The following CNMD variants were observed in gnomAD, a reference collection of about 807,000 sequenced individuals.
The protein encoded by CNMD is chondromodulin, also known as leukocyte cell-derived chemotaxin 1.
CNMD carries 30 observed loss-of-function variants against 37.5 expected under a neutral mutation model. The ratio of observed to expected loss-of-function variants is 0.80; its 90% CI spans 0.60 to 1.09. CNMD has a LOEUF of 1.09. CNMD is among the 50% of genes least tolerant of loss of function. The pLI is 0.00. For missense variants in CNMD, 398 were observed against 423.9 expected (o/e 0.94, Z 0.54); for synonymous variants, 167 against 148.2 (o/e 1.13, Z -0.92).
chr13:52,738,011 C>T (rs60555177), intron 2 of CNMD, among the ~76,000 whole-genome samples: 21,682 of 152,176 alleles, frequency 0.14, 1,608 homozygotes, highest in East Asian at 0.3. Flanking sequence ...CTGCAGAAGA[C>T]GTGATGTGTA....
At chr13:52,728,403 G>A (rs1291231778) in intron 3 of CNMD, among the ~76,000 whole-genome samples, 1 of 151,778 alleles carries the variant, frequency 6.6e-6, no homozygotes, top group African/African-American at 2.4e-5. Flanking sequence ...TCACTTGGAG[G>A]ACTTGTTAAA....
chr13:52,730,113 G>A (rs1012123189), intron 3 of CNMD, among the ~76,000 whole-genome samples: 1 of 151,890 alleles, frequency 6.6e-6, no homozygotes, highest in Non-Finnish European at 1.5e-5. Context: ...GAGAATGATG[G>A]TTTCCAGCTT....
At chr13:52,733,127 G>C (rs762325894) in intron 3 of CNMD, 92 bp downstream of exon 3, 30 of 1,230,752 alleles carry the variant, frequency 2.4e-5, no homozygotes, top group Non-Finnish European at 3.4e-5. Flanking sequence ...GTTACCATTT[G>C]GATGTGTGTG....
intron 2 of CNMD, among the ~76,000 whole-genome samples, chr13:52,738,327 C>T (rs962658216): frequency 2.6e-5 from 4 of 152,176 alleles, no homozygotes; most frequent in African/African-American, 9.7e-5. Flanking sequence ...CTTTATACTC[C>T]TCGAGAGCCG....
At chr13:52,724,744 A>C (rs1301810098) in intron 3 of CNMD, among the ~76,000 whole-genome samples, 1 of 151,100 alleles carries the variant, frequency 6.6e-6, no homozygotes, top group Non-Finnish European at 1.5e-5. Context: ...TAAAAATACA[A>C]AAATTAGCCG....
intron 6 of CNMD, among the ~76,000 whole-genome samples, chr13:52,705,164 C>G (rs1964154195): frequency 6.6e-6 from 1 of 152,096 alleles, no homozygotes; most frequent in South Asian, 2.1e-4. Flanking sequence ...GTCAAATTTG[C>G]TTTTCCCCTT....
chr13:52,724,217 G>A, intron 3 of CNMD, 107 bp from the exon 4 acceptor site: 1 of 780,302 alleles, frequency 1.3e-6, no homozygotes, highest in Non-Finnish European at 2.2e-6. Flanking sequence ...GGATAGGGAT[G>A]AACAAAAGAG....
Position 52,739,240 on chromosome 13 carries a change from G to T in CNMD, c.73-69C>A. On this transcript the variant is annotated intron_variant, in intron 1 of 6. Coordinates refer to ENST00000377962, the MANE Select transcript of CNMD (RefSeq NM_007015.3). The surrounding 1 kb of genome is among the most constrained non-coding windows in gnomAD (Gnocchi z 5.4). ...AGCACCTGCGGCCCCCAGCGCACCC[G>T]GGCCCCACGCGGTAGCCCCCAGGGA... 2 of 1,404,726 alleles carry T rather than the reference G, an allele frequency of 1.4e-6. No individual in the cohort carries two copies. The highest frequency in any genetic ancestry group is 1.8e-6 in the Non-Finnish European group (2 of 1,082,104). The allele number at this position is 1,404,726 out of a possible 1,614,324, so 87.0% of individuals were successfully genotyped here.
chr13:52,727,409 C>G (rs937087966), intron 3 of CNMD, among the ~76,000 whole-genome samples: 4 of 152,078 alleles, frequency 2.6e-5, no homozygotes, highest in African/African-American at 9.7e-5. Context: ...TGCCTGTAAT[C>G]CCAACACTTT....
chr13:52,707,892 G>A (rs1275443239), intron 6 of CNMD, among the ~76,000 whole-genome samples: 1 of 151,820 alleles, frequency 6.6e-6, no homozygotes, highest in Non-Finnish European at 1.5e-5. Flanking sequence ...TGGATCACCT[G>A]AGGCCAGGAG....
intron 5 of CNMD, among the ~76,000 whole-genome samples, chr13:52,709,135 G>A (rs887931611): frequency 2.6e-5 from 4 of 152,240 alleles, no homozygotes; most frequent in Admixed American, 6.5e-5. Context: ...TTGCTTTCTC[G>A]GTAAAAGGGG....
chr13:52,735,369 GT>G (rs5803608), intron 2 of CNMD, among the ~76,000 whole-genome samples: 116,715 of 151,908 alleles, frequency 0.77, 44,989 homozygotes, highest in Non-Finnish European at 0.8. Context: ...GAGGTTCTGT[GT>G]TTTTTTTTAA....
Position 52,712,807 on chromosome 13 carries a change from C to T in CNMD, c.531G>A (p.Gln177=). 6.3e-7 allele frequency: 1 copy of T among 1,595,898 alleles called. No individual in the cohort carries two copies. Among genetic ancestry groups the T allele is most frequent in the East Asian group, 2.3e-5 (1 of 44,326 alleles). The change falls in exon 5 of 7, where the codon CAG becomes CAA. Residue 177 remains glutamine, a synonymous_variant. Coordinates refer to ENST00000377962, the MANE Select transcript of CNMD (RefSeq NM_007015.3). ...TCAAGAAGCTGTTGTCCTTCACAGG[C>T]TGATCTACAGCCACCCAGATAAGAG... is the stretch of plus-strand genomic sequence containing the variant. ...ENSLIWVAVD[Q]PVKDNSFLSS...
At chr13:52,711,895 A>G (rs1241427290) in intron 5 of CNMD, among the ~76,000 whole-genome samples, 3 of 152,060 alleles carry the variant, frequency 2.0e-5, no homozygotes, top group African/African-American at 7.2e-5. Context: ...TGTGCCCACC[A>G]AGCCTAGTGG....
intron 5 of CNMD, among the ~76,000 whole-genome samples, chr13:52,711,193 T>C (rs1451915585): frequency 6.6e-6 from 1 of 152,140 alleles, no homozygotes; most frequent in African/African-American, 2.4e-5. Context: ...GAATGAACTC[T>C]CTGGGTAAGA....
At position 52,703,758 on chromosome 13, in the gene CNMD, A is replaced by G; in HGVS notation, c.842T>C (p.Ile281Thr). 1 of 1,613,960 alleles carries G rather than the reference A, an allele frequency of 6.2e-7. No individual in the cohort carries two copies. The highest frequency in any genetic ancestry group is 8.5e-7 in the Non-Finnish European group (1 of 1,179,880). The change falls in exon 7 of 7, where the codon ATC becomes ACC. Residue 281 changes from isoleucine (I) to threonine (T), a missense_variant. Ile to Thr is a moderately conservative substitution (Grantham distance 89). Coordinates refer to ENST00000377962, the MANE Select transcript of CNMD (RefSeq NM_007015.3). ...TFDPRLDHEG[I>T]CCIECRRSYT... ...GCTCCGCCTACATTCTATACAACAG[A>G]TTCCTTCGTGATCCAGTCTAGGGTC...
chr13:52,726,062 C>T (rs938041932), intron 3 of CNMD, among the ~76,000 whole-genome samples: 1 of 152,230 alleles, frequency 6.6e-6, no homozygotes, highest in Admixed American at 6.5e-5. Context: ...ACTGCTCACT[C>T]AGAGAGACAG....
At chr13:52,718,897 C>T (rs1166172219) in intron 4 of CNMD, among the ~76,000 whole-genome samples, 1 of 152,124 alleles carries the variant, frequency 6.6e-6, no homozygotes, top group Non-Finnish European at 1.5e-5. Context: ...TTTTCTGTCT[C>T]ATTGATCTGT....
At chr13:52,703,955 T>G in intron 6 of CNMD, 145 bp from the exon 7 acceptor site, 1 of 650,722 alleles carries the variant, frequency 1.5e-6, no homozygotes, top group Non-Finnish European at 2.6e-6. Flanking sequence ...ACCCTGTCAT[T>G]CATAATTCAT....
Sources: gnomAD v4.1 joint callset for allele counts (sites outside exome capture counted in the v4.1 genomes callset) on GRCh38, gnomAD v4.1.1 for gene constraint, Gnocchi (gnomAD v3.1) non-coding constraint, MANE v1.5 for transcripts, NCBI Gene and HGNC (gene_info 2026-07-23, HGNC 2026-07-21) for gene names.